SLC24A3: variants seen among roughly 807,000 people sequenced by gnomAD.
SLC24A3 encodes sodium/potassium/calcium exchanger 3.
In SLC24A3, 28 loss-of-function variants were observed where a neutral mutation model predicts 75.8. The observed-to-expected ratio is 0.37, with a 90% CI of 0.27 to 0.51. SLC24A3 has a LOEUF of 0.51. Among genes scored for constraint, SLC24A3 ranks in the 20% least tolerant of loss-of-function variants. The probability of loss-of-function intolerance (pLI) is 0.94; values close to 1 mark genes in which losing one functional copy is unlikely to be tolerated. For synonymous variants in SLC24A3, 372 were observed against 334.1 expected, an observed-to-expected ratio of 1.11 and a Z score of -1.24; for missense variants, 663 against 847.8, an observed-to-expected ratio of 0.78 and a Z score of 2.71.
At position 19,700,467 on chromosome 20, in the gene SLC24A3, G is replaced by A. The variant is rs184507693; in HGVS notation, c.1719+1787G>A. Among the ~76,000 whole-genome samples the A allele has an allele frequency of 4.9e-4, 74 of 152,270 alleles. 2 individuals are homozygous for A. Among genetic ancestry groups the A allele is most frequent in the African/African-American group, 1.6e-3 (65 of 41,566 alleles). On this transcript the variant is annotated intron_variant, in intron 15 of 16. Transcript: ENST00000328041. ...ATCCCACTGTCCACATAAGTTACAT[G>A]TACCCACTTGGATGCAAGAAGGATC... is the stretch of plus-strand genomic sequence containing the variant.
intron 2 of SLC24A3, among the ~76,000 whole-genome samples, chr20:19,281,696 G>A (rs762665950): frequency 1.3e-5 from 2 of 152,160 alleles, no homozygotes; most frequent in Non-Finnish European, 2.9e-5. Context: ...AAGCCTCAGG[G>A]ACGTGACAGG....
chr20:19,663,684 A>G (rs917160673), intron 7 of SLC24A3, among the ~76,000 whole-genome samples: 3 of 151,696 alleles, frequency 2.0e-5, no homozygotes, highest in African/African-American at 7.3e-5. Context: ...CAGCTCCCCA[A>G]GCCACAACCA....
intron 2 of SLC24A3, among the ~76,000 whole-genome samples, chr20:19,409,365 G>T (rs1986704870): frequency 6.6e-6 from 1 of 152,136 alleles, no homozygotes; most frequent in Non-Finnish European, 1.5e-5. Context: ...GACACTGAAG[G>T]GTCTAGAGGC....
At chr20:19,274,274 A>C (rs935813397) in intron 1 of SLC24A3, among the ~76,000 whole-genome samples, 3 of 151,916 alleles carry the variant, frequency 2.0e-5, no homozygotes, top group Admixed American at 2.0e-4. Context: ...CCCACTGGAC[A>C]GGCTGTGGAA....
chr20:19,365,647 A>C (rs1985875718), intron 2 of SLC24A3, among the ~76,000 whole-genome samples: 1 of 152,200 alleles, frequency 6.6e-6, no homozygotes, highest in Admixed American at 6.5e-5. Flanking sequence ...AAAATGTTGT[A>C]AATGATGCCT....
rs139454448 is a variant in SLC24A3 at position 19,279,830 on chromosome 20, G to A, written c.143-1129G>A. ...AGGTGATGCCCAGAAAAAGGCCTTGGGCAATGACAGGAAGGTGCTAGAAGC... is the reference window on the plus strand; with the variant it reads ...AGGTGATGCCCAGAAAAAGGCCTTGAGCAATGACAGGAAGGTGCTAGAAGC... On this transcript the variant is annotated intron_variant, in intron 1 of 16. Coordinates refer to ENST00000328041, the MANE Select transcript of SLC24A3 (RefSeq NM_020689.4). Among the ~76,000 whole-genome samples, 325 of 152,276 alleles carry A rather than the reference G, an allele frequency of 2.1e-3. 1 individual carries two copies. Among genetic ancestry groups the A allele is most frequent in the African/African-American group, 7.2e-3 (298 of 41,544 alleles).
chr20:19,545,474 C>G (rs908132262), intron 3 of SLC24A3, among the ~76,000 whole-genome samples: 1 of 151,974 alleles, frequency 6.6e-6, no homozygotes, highest in East Asian at 1.9e-4. Context: ...TGCTTTTTTT[C>G]GGACTCTTGC....
chr20:19,413,581 A>G (rs1369174729), intron 2 of SLC24A3, among the ~76,000 whole-genome samples: 1 of 152,070 alleles, frequency 6.6e-6, no homozygotes, highest in Non-Finnish European at 1.5e-5. Flanking sequence ...TTTGGTTTCT[A>G]TCAAGAACAC....
At chr20:19,387,093 A>T (rs1986285161) in intron 2 of SLC24A3, among the ~76,000 whole-genome samples, 1 of 152,128 alleles carries the variant, frequency 6.6e-6, no homozygotes, top group Admixed American at 6.5e-5. Flanking sequence ...GTTTCTAGGA[A>T]TTTATCCATT....
chr20:19,284,203 G>A (rs765223233), intron 2 of SLC24A3: 3 of 152,850 alleles, frequency 2.0e-5, no homozygotes, highest in African/African-American at 4.8e-5. Context: ...TATGAAAAAA[G>A]TTGAGAGCCA....
At chr20:19,476,778 AG>A (rs1255138523) in intron 2 of SLC24A3, among the ~76,000 whole-genome samples, 2 of 152,140 alleles carry the variant, frequency 1.3e-5, no homozygotes, top group African/African-American at 2.4e-5. Flanking sequence ...GAACCCAGGC[AG>A]GGCTCCTCTC....
intron 2 of SLC24A3, among the ~76,000 whole-genome samples, chr20:19,285,456 T>A (rs1181317627): frequency 2.7e-5 from 3 of 111,406 alleles, no homozygotes; most frequent in East Asian, 2.6e-4. Flanking sequence ...CCAGCCTGGG[T>A]GACAGAATGA....
chr20:19,564,372 C>G (rs962199448), intron 3 of SLC24A3, among the ~76,000 whole-genome samples: 1 of 152,174 alleles, frequency 6.6e-6, no homozygotes, highest in African/African-American at 2.4e-5. Flanking sequence ...TCAATGCCAC[C>G]ATCATCACTA....
chr20:19,677,506 T>C (rs574317238), intron 9 of SLC24A3, among the ~76,000 whole-genome samples: 3 of 152,032 alleles, frequency 2.0e-5, no homozygotes, highest in Admixed American at 1.3e-4. Flanking sequence ...ACCCCATGCA[T>C]TCGTCACCAC....
chr20:19,383,518 A>G (rs1368790794), intron 2 of SLC24A3, among the ~76,000 whole-genome samples: 3 of 152,112 alleles, frequency 2.0e-5, no homozygotes. Flanking sequence ...CATCAGACCC[A>G]TCAAGCCTTG....
chr20:19,462,632 T>C (rs1272697993), intron 2 of SLC24A3, among the ~76,000 whole-genome samples: 1 of 152,214 alleles, frequency 6.6e-6, no homozygotes, highest in Non-Finnish European at 1.5e-5. Context: ...TGTGCGCTCC[T>C]GGCTTGATGA....
chr20:19,519,051 A>G (rs552512063), intron 3 of SLC24A3, among the ~76,000 whole-genome samples: 1 of 152,250 alleles, frequency 6.6e-6, no homozygotes, highest in South Asian at 2.1e-4. Context: ...AGAGAGGGCC[A>G]TGGGGCTGTC....
At chr20:19,567,880 A>G (rs6035379) in intron 3 of SLC24A3, among the ~76,000 whole-genome samples, 134,349 of 152,222 alleles carry the variant, frequency 0.88, 59,453 homozygotes, top group Middle Eastern at 0.95. Context: ...TGCAAATCGT[A>G]TATCTGATAA....
At chr20:19,615,359 G>C (rs1322609375) in intron 6 of SLC24A3, among the ~76,000 whole-genome samples, 1 of 152,166 alleles carries the variant, frequency 6.6e-6, no homozygotes, top group East Asian at 1.9e-4. Context: ...CTGAGACTGG[G>C]TAATTTATAA....
Sources: allele counts gnomAD v4.1 joint callset (sites outside exome capture counted in the v4.1 genomes callset), GRCh38; gene constraint gnomAD v4.1.1; transcripts MANE v1.5; gene names NCBI Gene and HGNC (gene_info 2026-07-23, HGNC 2026-07-21).